Variants in GPAT2 observed in about 807,000 individuals in gnomAD.
GPAT2 encodes glycerol-3-phosphate acyltransferase 2, mitochondrial, also known as 1-acylglycerol-3-phosphate O-acyltransferase GPAT2.
In GPAT2, 51 loss-of-function variants were observed where a neutral mutation model predicts 71.0. The observed-to-expected ratio is 0.72, with a 90% confidence interval of 0.57 to 0.91. The LOEUF (loss-of-function observed/expected upper bound fraction) is 0.91, where lower values mean the gene tolerates loss of function less well. GPAT2 is among the 40% of genes least tolerant of loss of function. GPAT2 has a pLI of 0.00. For missense variants in GPAT2, 511 were observed against 666.0 expected (o/e 0.77, Z 2.56); for synonymous variants, 222 against 290.3 (o/e 0.76, Z 2.39).
In GPAT2 at chr2:96,023,001, C is replaced by A. The variant is rs1679864867; in HGVS notation, c.2190G>T (p.Leu730=). 6.2e-7 allele frequency: 1 copy of A among 1,613,844 alleles called. No homozygotes were observed. The highest frequency in any genetic ancestry group is 8.5e-7 in the Non-Finnish European group (1 of 1,179,868). Residue 730 remains leucine, a synonymous_variant, in exon 20 of 22, where the codon CTG becomes CTT. Transcript: ENST00000434632. ...PDTELGYTEQ[L]FQFLQATAQE... is the part of the protein sequence containing the mutation. ...GGGCGGTGGCCTGCAGGAACTGGAA[C>A]AGCTGCTCTGTGTAGCCCAACTCTG...
At chr2:96,025,015 G>T in intron 13 of GPAT2, 172 bp from the exon 14 acceptor site, 2 of 731,906 alleles carry the variant, frequency 2.7e-6, no homozygotes, top group Non-Finnish European at 4.7e-6. Context: ...CAGGCCAGGA[G>T]CTGGGGGCCT....
chr2:96,025,820 G>C (rs1680336823), intron 12 of GPAT2, 110 bp downstream of exon 12: 1 of 1,297,080 alleles, frequency 7.7e-7, no homozygotes, highest in Non-Finnish European at 1.1e-6. Flanking sequence ...GATGACCCCA[G>C]GATACTTGGT....
chr2:96,026,263 GGACAGCCAGAGC>G lies in GPAT2; in HGVS notation c.1063_1074del (p.Ala355_Val358del), dbSNP rs1176780932. On this transcript the variant is annotated inframe_deletion, in exon 11 of 22. Coordinates refer to ENST00000434632, the MANE Select transcript of GPAT2 (RefSeq NM_001321527.2). ...CCCCAGCGGCTCCACAAGCTACGTA[GGACAGCCAGAGC>G]TCCTGTCCACAGCCCCAGGGGGGCC... 2 of 1,605,792 alleles carry G rather than the reference GGACAGCCAGAGC, an allele frequency of 1.2e-6. No homozygotes were observed. The highest frequency in any genetic ancestry group is 2.7e-5 in the African/African-American group (2 of 74,588).
Position 96,023,104 on chromosome 2 carries a change from A to G in GPAT2, c.2167+2T>C. ...AGGACTGCAAGGGAACAAGGGCCTC[A>G]CCAGTATCGGGCAGCTGGCCCTGGC... On this transcript the variant is annotated splice_donor_variant, in intron 19 of 21. Transcript: ENST00000434632. LOFTEE classifies it high-confidence loss of function. The G allele has an allele frequency of 6.2e-7, 1 of 1,612,608 alleles. No homozygotes were observed. The highest frequency in any genetic ancestry group is 8.5e-7 in the Non-Finnish European group (1 of 1,178,810).
At position 96,022,964 on chromosome 2, in the gene GPAT2, T is replaced by G. The variant is rs1340928104; in HGVS notation, c.2227A>C (p.Ile743Leu). The stretch of plus-strand genomic sequence containing the variant: ...CTGACTGGTTGGGACTCACCGAAGA[T>G]CCCTTCTTCCTGGGCGGTGGCCTGC... ...FLQATAQEEG[I>L]FECADPKLAI... Residue 743 changes from isoleucine (I) to leucine (L), a missense_variant, in exon 20 of 22, where the codon ATC (isoleucine) becomes CTC (leucine). By Grantham distance (5) the Ile-to-Leu change is conservative. Transcript: ENST00000434632. The G allele has an allele frequency of 5.0e-6, 8 of 1,613,792 alleles. No individual in the cohort carries two copies. Among genetic ancestry groups the G allele is most frequent in the Non-Finnish European group, 6.8e-6 (8 of 1,179,830 alleles).
Position 96,022,991 on chromosome 2 carries a change from G to A in GPAT2, c.2200C>T (p.Leu734=), listed in dbSNP as rs1209485711. The A allele has an allele frequency of 1.2e-6, 2 of 1,613,956 alleles. No individual in the cohort carries two copies. Among genetic ancestry groups the A allele is most frequent in the Middle Eastern group, 1.7e-4 (1 of 6,056 alleles). The stretch of plus-strand genomic sequence containing the variant: ...CCTTCTTCCTGGGCGGTGGCCTGCA[G>A]GAACTGGAACAGCTGCTCTGTGTAG... The part of the protein sequence containing the change: ...LGYTEQLFQF[L]QATAQEEGIF... Residue 734 remains leucine (L), a synonymous_variant, in exon 20 of 22, where the codon CTG becomes TTG. Transcript: ENST00000434632.
chr2:96,025,116 G>A, intron 13 of GPAT2: 3 of 592,332 alleles, frequency 5.1e-6, no homozygotes, highest in South Asian at 2.0e-5. Flanking sequence ...TCCCTATAAG[G>A]GCCCTCTGTG....
chr2:96,024,141 C>T (rs1225012192), intron 16 of GPAT2, 48 bp downstream of exon 16: 7 of 1,515,288 alleles, frequency 4.6e-6, no homozygotes, highest in Non-Finnish European at 6.2e-6. Flanking sequence ...ATTCCTACCA[C>T]CAAGAGGGGA....
chr2:96,022,907 C>T, intron 20 of GPAT2, 51 bp downstream of exon 20: 1 of 1,613,240 alleles, frequency 6.2e-7, no homozygotes, highest in Non-Finnish European at 8.5e-7. Flanking sequence ...GCAGCAGCCA[C>T]CAGCAAACAC....
chr2:96,024,779 A>G lies in GPAT2; in HGVS notation c.1422T>C (p.His474=). The G allele has an allele frequency of 6.2e-7, 1 of 1,613,846 alleles. No homozygotes were observed. Among genetic ancestry groups the G allele is most frequent in the Non-Finnish European group, 8.5e-7 (1 of 1,179,950 alleles). Residue 474 remains histidine (H), a synonymous_variant, in exon 14 of 22, where the codon CAT becomes CAC. Coordinates refer to ENST00000434632, the MANE Select transcript of GPAT2 (RefSeq NM_001321527.2). ...AIMATLLLFK[H]QKGVFLSQLL... Reference sequence around the variant, plus strand: ...ACCACATTGCACCCCCTACCTTCTGATGCTTGAAGAGCAGCAGCGTTGCCA... The same window carrying G: ...ACCACATTGCACCCCCTACCTTCTGGTGCTTGAAGAGCAGCAGCGTTGCCA...
Position 96,022,383 on chromosome 2 carries a change from C to G in GPAT2, c.2290-108G>C, listed in dbSNP as rs1679771487. 3.8e-6 allele frequency: 5 copies of G among 1,308,108 alleles called. No homozygotes were observed. In the South Asian group the frequency reaches 7.6e-5, roughly 20 times the overall value. 81.0% of individuals were successfully genotyped at this position (1,308,108 alleles called of 1,614,324 possible). A position where few individuals can be genotyped will look rare whatever the true frequency, so the allele number is the denominator to read the frequency against. On this transcript the variant is annotated intron_variant, in intron 21 of 21. Transcript: ENST00000434632. ...AAACCTGCCTTGAGACCTCTGGCCC[C>G]TTAGACCTCAATGTTTGCGTGCAAA... is the stretch of plus-strand genomic sequence containing the variant.
intron 14 of GPAT2, 41 bp downstream of exon 14, chr2:96,024,732 C>G (rs1331393564): frequency 6.2e-7 from 1 of 1,613,104 alleles, no homozygotes; most frequent in Non-Finnish European, 8.5e-7. Context: ...ACATCGCCAC[C>G]CCCCCCACCG....
intron 16 of GPAT2, 53 bp from the exon 17 acceptor site, chr2:96,024,053 G>A (rs1047218707): frequency 9.5e-6 from 15 of 1,581,666 alleles, no homozygotes; most frequent in Middle Eastern, 4.0e-4. Flanking sequence ...ACATGGGCAG[G>A]GGCCTAGCCA....
chr2:96,024,863 G>A lies in GPAT2; in HGVS notation c.1358-20C>T, dbSNP rs2104631986. ...CACTGGCTGGAGTGGGGCGGGGGGT[G>A]GAGATGCTGGTCAGGTTGAGGCCCA... On this transcript the variant is annotated intron_variant, in intron 13 of 21. Transcript: ENST00000434632. The A allele has an allele frequency of 6.2e-7, 1 of 1,611,976 alleles. No homozygotes were observed. The highest frequency in any genetic ancestry group is 8.5e-7 in the Non-Finnish European group (1 of 1,179,866).
intron 13 of GPAT2, 136 bp from the exon 14 acceptor site, chr2:96,024,979 G>C (rs1212726113): frequency 6.9e-6 from 7 of 1,012,798 alleles, no homozygotes; most frequent in Non-Finnish European, 1.1e-5. Flanking sequence ...CGGAGCAGTG[G>C]TGTTTATCAT....
intron 1 of GPAT2, among the ~76,000 whole-genome samples, chr2:96,033,785 C>A (rs1482019584): frequency 8.1e-6 from 1 of 123,324 alleles, no homozygotes; most frequent in African/African-American, 3.1e-5. Flanking sequence ...TGTCCCCTAG[C>A]TGCAGACCAC....
intron 13 of GPAT2, 187 bp from the exon 14 acceptor site, chr2:96,025,030 C>T (rs1012634108): frequency 4.4e-5 from 30 of 676,484 alleles, no homozygotes; most frequent in Non-Finnish European, 7.0e-5. Context: ...GGGCCTTCCC[C>T]TGGATCTCAT....
At position 96,024,602 on chromosome 2, in the gene GPAT2, A is replaced by C; in HGVS notation, c.1512T>G (p.Ser504=). 6.2e-7 allele frequency: 1 copy of C among 1,613,784 alleles called. No homozygotes were observed. Among genetic ancestry groups the C allele is most frequent in the Non-Finnish European group, 8.5e-7 (1 of 1,179,896 alleles). The change falls in exon 15 of 22, where the codon TCT becomes TCG. Residue 504 remains serine (S), a synonymous_variant. Transcript: ENST00000434632. Reference sequence around the variant, plus strand: ...GCTGCAGCAGGCTCCGCAGCTGCCCAGAGAAGCCTACATCAAAGCCACGCA... The same window carrying C: ...GCTGCAGCAGGCTCCGCAGCTGCCCCGAGAAGCCTACATCAAAGCCACGCA... ...ILLRGFDVGF[S]GQLRSLLQHS...
At chr2:96,022,395 T>A in intron 21 of GPAT2, 120 bp from the exon 22 acceptor site, 3 of 1,245,544 alleles carry the variant, frequency 2.4e-6, no homozygotes, top group Non-Finnish European at 2.2e-6. Context: ...TAGACCTCAA[T>A]GTTTGCGTGC....
Sources: gnomAD v4.1 joint callset for allele counts (sites outside exome capture counted in the v4.1 genomes callset) on GRCh38, gnomAD v4.1.1 for gene constraint, MANE v1.5 for transcripts, NCBI Gene and HGNC (gene_info 2026-07-23, HGNC 2026-07-21) for gene names.